The following LCK variants were observed in gnomAD, a reference collection of about 807,000 sequenced individuals.
The protein encoded by LCK is LCK proto-oncogene, Src family tyrosine kinase.
Under a neutral mutation model 64.6 loss-of-function variants are expected in LCK, and 14 were observed. The ratio of observed to expected loss-of-function variants is 0.22; its 90% CI spans 0.14 to 0.34. The LOEUF is 0.34. Ranked by LOEUF, LCK falls within the 10% of genes least tolerant of loss-of-function variation. LCK has a pLI of 1.00. For missense variants in LCK, 434 were observed against 668.1 expected (o/e 0.65, Z 3.86); for synonymous variants, 277 against 263.6 (o/e 1.05, Z -0.49).
At chr1:32,273,884 A>G (rs1334023442) in intron 1 of LCK, among the ~76,000 whole-genome samples, 1 of 151,986 alleles carries the variant, frequency 6.6e-6, no homozygotes, top group African/African-American at 2.4e-5. Context: ...TTATAATAGG[A>G]GGTGTGGCGT....
intron 12 of LCK, among the ~76,000 whole-genome samples, chr1:32,283,876 ATTAT>A (rs773652763): frequency 6.6e-6 from 1 of 151,622 alleles, no homozygotes; most frequent in African/African-American, 2.4e-5. Context: ...GGTGCCCTTT[ATTAT>A]TTATTTATTT....
At chr1:32,273,563 G>A (rs1166257223) in intron 1 of LCK, among the ~76,000 whole-genome samples, 1 of 152,040 alleles carries the variant, frequency 6.6e-6, no homozygotes, top group African/African-American at 2.4e-5. Context: ...GAGCTGCAGG[G>A]ACTCCGGGGG....
intron 3 of LCK, 29 bp downstream of exon 3, chr1:32,274,847 C>G (rs1557583527): frequency 6.2e-7 from 1 of 1,613,878 alleles, no homozygotes; most frequent in Admixed American, 1.7e-5. Flanking sequence ...GCCTGAAAGA[C>G]AAGGCCTGCG....
rs1056813304 is a variant in LCK at position 32,274,503 on chromosome 1, C to A, written c.105+69C>A. 25 of 1,297,690 alleles carry A rather than the reference C, an allele frequency of 1.9e-5. No homozygotes were observed. In the African/African-American group the frequency reaches 3.5e-4, roughly 18 times the overall value. 80.4% of individuals were successfully genotyped at this position (1,297,690 alleles called of 1,614,324 possible). On this transcript the variant is annotated intron_variant, in intron 2 of 12. Transcript: ENST00000336890. The stretch of plus-strand genomic sequence containing the variant: ...AATGCAACCCAGGAGAAAGAAATGA[C>A]CAGCACTACAGGCCCTTGAAAGAAT...
Position 32,275,936 on chromosome 1 carries a change from G to C in LCK, c.504G>C (p.Arg168=). ...STAGSFSLSV[R]DFDQNQGEVV... ...CAGGATCGTTTTCACTGTCGGTCCG[G>C]GACTTCGACCAGAACCAGGGAGAGG... Residue 168 remains arginine (R), a synonymous_variant, in exon 7 of 13, where the codon CGG becomes CGC. Coordinates refer to ENST00000336890, the MANE Select transcript of LCK (RefSeq NM_005356.5). This position sits in a 1 kb window ranked among gnomAD's most constrained non-coding sequence, Gnocchi z 6.9. The C allele has an allele frequency of 6.2e-7, 1 of 1,614,162 alleles. No homozygotes were observed. The highest frequency in any genetic ancestry group is 8.5e-7 in the Non-Finnish European group (1 of 1,180,008).
chr1:32,278,715 C>A (rs576109799), intron 9 of LCK, among the ~76,000 whole-genome samples: 3 of 152,192 alleles, frequency 2.0e-5, no homozygotes, highest in African/African-American at 4.8e-5. Flanking sequence ...GAAGTGAGTG[C>A]CAGGAATGAT....
At chr1:32,278,620 T>A (rs1240906668) in intron 9 of LCK, among the ~76,000 whole-genome samples, 2 of 152,230 alleles carry the variant, frequency 1.3e-5, no homozygotes, top group Non-Finnish European at 2.9e-5. Flanking sequence ...ATTACAGATG[T>A]GAGCCACCAT....
chr1:32,282,492 G>T (rs996689271), intron 12 of LCK, among the ~76,000 whole-genome samples: 2 of 152,140 alleles, frequency 1.3e-5, no homozygotes, highest in Admixed American at 6.5e-5. Flanking sequence ...ATTTATTGGC[G>T]ATTGATTCAA....
intron 1 of LCK, among the ~76,000 whole-genome samples, chr1:32,262,526 G>A (rs770002759): frequency 4.0e-5 from 6 of 150,946 alleles, no homozygotes; most frequent in African/African-American, 1.5e-4. Context: ...GGGTTCAAGC[G>A]ATTCTCCTGC....
chr1:32,285,733 C>T lies in LCK; in HGVS notation c.*17C>T. On this transcript the variant is annotated 3_prime_UTR_variant, in exon 13 of 13. Coordinates refer to ENST00000336890, the MANE Select transcript of LCK (RefSeq NM_005356.5). ...CAGCCTTGAGAGGCCTTGAGAGGCC[C>T]TGGGGTTCTCCCCCTTTCTCTCCAG... 1.9e-6 allele frequency: 3 copies of T among 1,568,156 alleles called. No homozygotes were observed. Among genetic ancestry groups the T allele is most frequent in the Non-Finnish European group, 2.6e-6 (3 of 1,156,494 alleles).
chr1:32,281,272 A>G (rs1640450062), intron 12 of LCK, among the ~76,000 whole-genome samples: 2 of 148,078 alleles, frequency 1.4e-5, no homozygotes, highest in South Asian at 4.2e-4. Context: ...CATCTCTACA[A>G]AAAAAAAAAA....
At chr1:32,280,452 T>C (rs1354784728) in intron 12 of LCK, among the ~76,000 whole-genome samples, 2 of 118,736 alleles carry the variant, frequency 1.7e-5, no homozygotes, top group African/African-American at 3.2e-5. Context: ...TCTTTTTTTT[T>C]TTTTTTTTTT....
intron 1 of LCK, among the ~76,000 whole-genome samples, chr1:32,261,163 C>T (rs927065966): frequency 2.6e-5 from 4 of 151,544 alleles, no homozygotes; most frequent in Admixed American, 2.0e-4. Flanking sequence ...ACTTCCTGGG[C>T]TCAGTGATCC....
At chr1:32,280,560 A>T (rs1490113457) in intron 12 of LCK, among the ~76,000 whole-genome samples, 1 of 133,560 alleles carries the variant, frequency 7.5e-6, no homozygotes, top group Non-Finnish European at 1.5e-5. Flanking sequence ...GGTTCAAGTG[A>T]TTCTCCTGCC....
chr1:32,256,157 T>A (rs1365759945), intron 1 of LCK, among the ~76,000 whole-genome samples: 1 of 151,862 alleles, frequency 6.6e-6, no homozygotes, highest in Non-Finnish European at 1.5e-5. Flanking sequence ...TAGTTATTTA[T>A]AGATGGAGTC....
chr1:32,261,195 A>G (rs1056984254), intron 1 of LCK, among the ~76,000 whole-genome samples: 5 of 150,176 alleles, frequency 3.3e-5, no homozygotes, highest in African/African-American at 1.2e-4. Flanking sequence ...CCTCCTGGGT[A>G]GCTAGGACTA....
chr1:32,276,609 T>A lies in LCK; in HGVS notation c.787T>A (p.Tyr263Asn). ...AGQFGEVWMG[Y>N]YNGHTKVAVK... ...ACTCCTTCCCTTCCCCGACCCAGGG[T>A]ACTACAACGGGCACACGAAGGTGGC... is the stretch of plus-strand genomic sequence containing the variant. Residue 263 changes from tyrosine (Y) to asparagine (N), a missense_variant and splice_region_variant, in exon 9 of 13, where the codon TAC becomes AAC. By Grantham distance (143) the Tyr-to-Asn change is moderately radical. Coordinates refer to ENST00000336890, the MANE Select transcript of LCK (RefSeq NM_005356.5). The surrounding 1 kb of genome is among the most constrained non-coding windows in gnomAD (Gnocchi z 4.6). 1 of 1,610,010 alleles carries A rather than the reference T, an allele frequency of 6.2e-7. No homozygotes were observed. Among genetic ancestry groups the A allele is most frequent in the Non-Finnish European group, 8.5e-7 (1 of 1,177,676 alleles).
chr1:32,256,260 C>A (rs1056606145), intron 1 of LCK, among the ~76,000 whole-genome samples: 5 of 151,810 alleles, frequency 3.3e-5, no homozygotes, highest in African/African-American at 1.2e-4. Context: ...GCCTCAGCTT[C>A]CCAAGTAGCT....
chr1:32,252,811 G>A (rs1351636537), intron 1 of LCK, among the ~76,000 whole-genome samples: 1 of 152,212 alleles, frequency 6.6e-6, no homozygotes, highest in African/African-American at 2.4e-5. Flanking sequence ...AGTCAAGACA[G>A]TTCTGAGAAG....
Sources: gnomAD v4.1 joint callset for allele counts (sites outside exome capture counted in the v4.1 genomes callset) on GRCh38, gnomAD v4.1.1 for gene constraint, Gnocchi (gnomAD v3.1) non-coding constraint, MANE v1.5 for transcripts, NCBI Gene and HGNC (gene_info 2026-07-23, HGNC 2026-07-21) for gene names.